The following LMNA variants were observed in gnomAD, a reference collection of about 807,000 sequenced individuals.
The protein encoded by LMNA is lamin.
Under a neutral mutation model 70.4 loss-of-function variants are expected in LMNA, and 20 were observed. The ratio of observed to expected loss-of-function variants is 0.28; its 90% CI spans 0.20 to 0.41. The LOEUF (loss-of-function observed/expected upper bound fraction) is 0.41, where lower values mean the gene tolerates loss of function less well. Ranked by LOEUF, LMNA falls within the 10% of genes least tolerant of loss-of-function variation. The pLI is 1.00. For missense variants in LMNA, 652 were observed against 917.2 expected (o/e 0.71, Z 3.73); for synonymous variants, 339 against 372.8 (o/e 0.91, Z 1.04).
chr1:156,089,989 G>C (rs1049319846), intron 2 of LMNA, among the ~76,000 whole-genome samples: 3 of 152,090 alleles, frequency 2.0e-5, no homozygotes, highest in Non-Finnish European at 4.4e-5. Context: ...CTCTGGTTTC[G>C]AGCTGCGGTG....
chr1:156,129,294 T>TG (rs1227132597), intron 1 of LMNA, among the ~76,000 whole-genome samples: 3 of 151,946 alleles, frequency 2.0e-5, no homozygotes, highest in Admixed American at 1.3e-4. Flanking sequence ...CCCTGCCTGG[T>TG]GGGGGGAGGT....
Position 156,140,067 on chromosome 1 carries a change from C to T in LMNA, c.*961C>T, listed in dbSNP as rs1651975028. ...CCCTTCTCTCCTCCCCAAATCAATA[C>T]ACTAGTTGTTTCTACCCCTGGCTGC... On this transcript the variant is annotated 3_prime_UTR_variant, in exon 12 of 12. Coordinates refer to ENST00000368300, the MANE Select transcript of LMNA (RefSeq NM_170707.4). 2 of 471,976 alleles carry T rather than the reference C, an allele frequency of 4.2e-6. No individual in the cohort carries two copies. The highest frequency in any genetic ancestry group is 5.2e-5 in the South Asian group (2 of 38,456). The allele number at this position is 471,976 out of a possible 1,614,324, so 29.2% of individuals were successfully genotyped here. A position where few individuals can be genotyped will look rare whatever the true frequency, so the allele number is the denominator to read the frequency against.
chr1:156,116,200 G>A (rs1018114385), intron 1 of LMNA, among the ~76,000 whole-genome samples: 2 of 152,202 alleles, frequency 1.3e-5, no homozygotes, highest in Non-Finnish European at 1.5e-5. Context: ...AGCGGGGCCA[G>A]GCAGTCTTTG....
chr1:156,102,438 A>G (rs1289997815), intron 3 of LMNA, among the ~76,000 whole-genome samples: 1 of 152,064 alleles, frequency 6.6e-6, no homozygotes, highest in Non-Finnish European at 1.5e-5. Flanking sequence ...TCTGGTTAGG[A>G]GCTGTGAGCA....
At chr1:156,098,656 C>A (rs1320713728) in intron 3 of LMNA, among the ~76,000 whole-genome samples, 6 of 152,042 alleles carry the variant, frequency 3.9e-5, no homozygotes, top group Non-Finnish European at 8.8e-5. Context: ...CTCAGGATAC[C>A]CTACCTGCAG....
At chr1:156,129,820 G>A in intron 1 of LMNA, 1 of 761,050 alleles carries the variant, frequency 1.3e-6, no homozygotes, top group Non-Finnish European at 2.4e-6. Context: ...CCCACTTTGA[G>A]GAGCAGGGAG....
chr1:156,101,124 T>C (rs1338084336), intron 3 of LMNA, among the ~76,000 whole-genome samples: 1 of 152,118 alleles, frequency 6.6e-6, no homozygotes, highest in East Asian at 1.9e-4. Flanking sequence ...TTTGGACTTA[T>C]CCTAAATACA....
intron 1 of LMNA, among the ~76,000 whole-genome samples, chr1:156,116,213 C>T (rs1355536020): frequency 6.6e-6 from 1 of 152,164 alleles, no homozygotes; most frequent in African/African-American, 2.4e-5. Flanking sequence ...AGTCTTTGCT[C>T]GGGCCCATCC....
At chr1:156,132,303 C>A (rs909868881) in intron 2 of LMNA, among the ~76,000 whole-genome samples, 7 of 151,994 alleles carry the variant, frequency 4.6e-5, no homozygotes, top group African/African-American at 1.7e-4. Flanking sequence ...AACCCCATCT[C>A]TACTACAAAT....
At chr1:156,119,671 A>C (rs1342917050) in intron 1 of LMNA, among the ~76,000 whole-genome samples, 1 of 152,228 alleles carries the variant, frequency 6.6e-6, no homozygotes, top group Non-Finnish European at 1.5e-5. Flanking sequence ...TCTGGAGTCC[A>C]GGCTTGCAGC....
intron 2 of LMNA, among the ~76,000 whole-genome samples, chr1:156,084,327 T>TTGGGGGGGGG (rs1558104047): frequency 1.0e-3 from 6 of 5,724 alleles, no homozygotes; most frequent in Non-Finnish European, 1.9e-3. Flanking sequence ...TCTCAGAAGG[T>TTGGGGGGGGG]CGGGGGGTGG....
At chr1:156,114,127 A>G (rs1649645027), upstream of LMNA, among the ~76,000 whole-genome samples, 1 of 152,244 alleles carries the variant, frequency 6.6e-6, no homozygotes, top group Non-Finnish European at 1.5e-5. Context: ...CTCAGGTTCC[A>G]GAACTTTGCT....
Position 156,138,968 on chromosome 1 carries a change from G to A in LMNA, c.1969-112G>A. On this transcript the variant is annotated intron_variant, in intron 11 of 11. Coordinates refer to ENST00000368300, the MANE Select transcript of LMNA (RefSeq NM_170707.4). This position sits in a 1 kb window ranked among gnomAD's most constrained non-coding sequence, Gnocchi z 5.5. ...CCCCAGACTGGAGGGCAGGGGCAGG[G>A]CTGGAGTGTGAGGGATGGGGGAGAT... 1 of 1,363,250 alleles carries A rather than the reference G, an allele frequency of 7.3e-7. No individual in the cohort carries two copies. Among genetic ancestry groups the A allele is most frequent in the Non-Finnish European group, 1.0e-6 (1 of 954,996 alleles). The allele number at this position is 1,363,250 out of a possible 1,614,324, so 84.4% of individuals were successfully genotyped here.
upstream of LMNA, among the ~76,000 whole-genome samples, chr1:156,114,349 T>C (rs1649656293): frequency 6.6e-6 from 1 of 152,126 alleles, no homozygotes; most frequent in African/African-American, 2.4e-5. Flanking sequence ...CAGCCCTGCC[T>C]ACCTGACCCT....
rs961119746 is a variant in LMNA at position 156,115,491 on chromosome 1, G to A, written c.356+217G>A. 7.2e-5 allele frequency among the ~76,000 whole-genome samples: 11 copies of A among 152,198 alleles called. No individual in the cohort carries two copies. The highest frequency in any genetic ancestry group is 1.6e-4 in the Non-Finnish European group (11 of 68,026). On this transcript the variant is annotated intron_variant, in intron 1 of 11. Coordinates refer to ENST00000368300, the MANE Select transcript of LMNA (RefSeq NM_170707.4). This position sits in a 1 kb window ranked among gnomAD's most constrained non-coding sequence, Gnocchi z 5.8. ...AGGGAAGTGGTGGTCTCTGGGAGAGGGTCGGGGAGGATATAAGGAATGGTG... is the reference window on the plus strand; with the variant it reads ...AGGGAAGTGGTGGTCTCTGGGAGAGAGTCGGGGAGGATATAAGGAATGGTG...
intron 2 of LMNA, among the ~76,000 whole-genome samples, chr1:156,085,164 T>C (rs1648430333): frequency 6.6e-6 from 1 of 152,238 alleles, no homozygotes; most frequent in Non-Finnish European, 1.5e-5. Context: ...TGTGTGCGAA[T>C]GCAGTTAGGT....
At chr1:156,088,919 T>C (rs1012426726) in intron 2 of LMNA, among the ~76,000 whole-genome samples, 1 of 152,258 alleles carries the variant, frequency 6.6e-6, no homozygotes, top group African/African-American at 2.4e-5. Flanking sequence ...CCCAAAGTGC[T>C]GATATTATAG....
chr1:156,130,850 C>T, intron 2 of LMNA, 77 bp downstream of exon 2: 2 of 1,402,294 alleles, frequency 1.4e-6, no homozygotes, highest in Non-Finnish European at 9.8e-7. Flanking sequence ...GGCCCTCCCC[C>T]ATGTGGTGCC....
At chr1:156,092,065 G>GC (rs913567405) in intron 3 of LMNA, among the ~76,000 whole-genome samples, 18 of 152,028 alleles carry the variant, frequency 1.2e-4, no homozygotes, top group Non-Finnish European at 2.6e-4. Context: ...TTACAGGTAT[G>GC]CATCACCACA....
Sources: allele counts gnomAD v4.1 joint callset (sites outside exome capture counted in the v4.1 genomes callset), GRCh38; gene constraint gnomAD v4.1.1; non-coding constraint Gnocchi (gnomAD v3.1); transcripts MANE v1.5; gene names NCBI Gene and HGNC (gene_info 2026-07-23, HGNC 2026-07-21).